Variants in CFAP77 observed in about 807,000 individuals in gnomAD.
The protein encoded by CFAP77 is cilia- and flagella-associated protein 77.
CFAP77 carries 25 observed loss-of-function variants against 31.1 expected under a neutral mutation model. That is an observed-to-expected ratio of 0.80 (90% CI 0.59 to 1.12). The LOEUF (loss-of-function observed/expected upper bound fraction) is 1.12, where lower values mean the gene tolerates loss of function less well. Ranked by LOEUF, CFAP77 falls within the 50% of genes most tolerant of loss-of-function variation. The probability of loss-of-function intolerance (pLI) is 0.00; values close to 1 mark genes in which losing one functional copy is unlikely to be tolerated. For synonymous variants in CFAP77, 151 were observed against 159.9 expected (o/e 0.94, Z 0.42); for missense variants, 377 against 397.3 (o/e 0.95, Z 0.44).
intron 5 of CFAP77, among the ~76,000 whole-genome samples, chr9:132,561,936 C>G (rs375077139): frequency 6.6e-6 from 1 of 152,210 alleles, no homozygotes; most frequent in South Asian, 2.1e-4. Flanking sequence ...TGCCGCCTCG[C>G]AAGGAGGAAC....
chr9:132,507,970 T>A (rs1180537095), intron 3 of CFAP77, among the ~76,000 whole-genome samples: 2 of 152,204 alleles, frequency 1.3e-5, no homozygotes, highest in Non-Finnish European at 2.9e-5. Context: ...GCGACTGTCG[T>A]TAATACTCCT....
At chr9:132,570,572 T>G (rs374218649) in intron 5 of CFAP77, among the ~76,000 whole-genome samples, 3 of 152,222 alleles carry the variant, frequency 2.0e-5, no homozygotes, top group East Asian at 3.8e-4. Flanking sequence ...CCTGCACTGT[T>G]TTTTATGTAA....
In CFAP77 at chr9:132,437,194, C is replaced by G. The variant is rs191492948; in HGVS notation, c.195+26728C>G. Among the ~76,000 whole-genome samples, 35 of 152,350 alleles carry G rather than the reference C, an allele frequency of 2.3e-4. 3 individuals carry two copies. In the East Asian group the frequency reaches 4.0e-3, roughly 18 times the overall value. On this transcript the variant is annotated intron_variant, in intron 1 of 5. Transcript: ENST00000393216. The stretch of plus-strand genomic sequence containing the variant: ...TCCCTGATCGCCTTGTCCCCAAGCA[C>G]TGGTCCTGCTTTCTGAAGACTCCTT...
chr9:132,567,557 C>G (rs1312303217), intron 5 of CFAP77, among the ~76,000 whole-genome samples: 1 of 152,162 alleles, frequency 6.6e-6, no homozygotes, highest in Non-Finnish European at 1.5e-5. Flanking sequence ...AGCCACAGCC[C>G]CACCCACCAT....
intron 1 of CFAP77, among the ~76,000 whole-genome samples, chr9:132,430,455 G>C (rs1850394029): frequency 6.6e-6 from 1 of 152,074 alleles, no homozygotes; most frequent in Non-Finnish European, 1.5e-5. Flanking sequence ...TACAAAAAGA[G>C]TTTTAGAAAC....
chr9:132,446,859 C>T (rs1378281706), intron 1 of CFAP77, among the ~76,000 whole-genome samples: 1 of 151,946 alleles, frequency 6.6e-6, no homozygotes, highest in Admixed American at 6.5e-5. Context: ...ATCTTCCCAG[C>T]AGCCCTGTGA....
chr9:132,561,872 G>C (rs1829816804), intron 5 of CFAP77, among the ~76,000 whole-genome samples: 1 of 152,196 alleles, frequency 6.6e-6, no homozygotes, highest in Non-Finnish European at 1.5e-5. Context: ...GAAGGCAAAG[G>C]CAGCCCGCTT....
At chr9:132,434,625 A>G (rs1388873843) in intron 1 of CFAP77, among the ~76,000 whole-genome samples, 2 of 152,078 alleles carry the variant, frequency 1.3e-5, no homozygotes, top group Admixed American at 6.6e-5. Context: ...TGAATCTACA[A>G]TTTGGTTTCA....
intron 3 of CFAP77, among the ~76,000 whole-genome samples, chr9:132,513,048 T>G (rs904803989): frequency 7.2e-5 from 11 of 152,182 alleles, no homozygotes; most frequent in African/African-American, 2.7e-4. Context: ...TGTGGGCACA[T>G]AGTGGGTGTA....
chr9:132,501,850 G>C lies in CFAP77; in HGVS notation c.524+2250G>C, dbSNP rs1028209670. ...TGATGCGCCCTTCCCTGGAGTCAGGGGTGAAATCAGTCCCTGCAATCTACG... is the reference window on the plus strand; with the variant it reads ...TGATGCGCCCTTCCCTGGAGTCAGGCGTGAAATCAGTCCCTGCAATCTACG... On this transcript the variant is annotated intron_variant, in intron 3 of 5. Transcript: ENST00000393216. This position sits in a 1 kb window ranked among gnomAD's most constrained non-coding sequence, Gnocchi z 4.6. Among the ~76,000 whole-genome samples the C allele has an allele frequency of 6.6e-6, 1 of 152,200 alleles. No homozygotes were observed. The highest frequency in any genetic ancestry group is 2.4e-5 in the African/African-American group (1 of 41,454).
Position 132,545,472 on chromosome 9 carries a change from T to TGTAAGGCGA in CFAP77, c.732+2425_732+2426insGTAAGGCGA. 6.6e-6 allele frequency among the ~76,000 whole-genome samples: 1 copy of TGTAAGGCGA among 152,270 alleles called. No homozygotes were observed. Among genetic ancestry groups the TGTAAGGCGA allele is most frequent in the Non-Finnish European group, 1.5e-5 (1 of 68,036 alleles). ...GAAAATCAACATGCAAGCCACAGCA[T>TGTAAGGCGA]ATACTGAGTGTTCGCCTCCTTTCCG... On this transcript the variant is annotated intron_variant, in intron 5 of 5. Transcript: ENST00000393216. The surrounding 1 kb of genome is among the most constrained non-coding windows in gnomAD (Gnocchi z 4.6).
intron 1 of CFAP77, among the ~76,000 whole-genome samples, chr9:132,432,465 C>T (rs1449921426): frequency 6.6e-6 from 1 of 151,766 alleles, no homozygotes; most frequent in Non-Finnish European, 1.5e-5. Flanking sequence ...GCAGTTTACC[C>T]CTCCTTCTGC....
At chr9:132,432,635 A>C (rs1288847395) in intron 1 of CFAP77, among the ~76,000 whole-genome samples, 13 of 145,024 alleles carry the variant, frequency 9.0e-5, no homozygotes, top group African/African-American at 2.1e-4. Flanking sequence ...GGGTTCAAGC[A>C]ATTCTCCTGC....
intron 1 of CFAP77, among the ~76,000 whole-genome samples, chr9:132,471,334 C>T (rs1001545680): frequency 5.3e-5 from 8 of 152,288 alleles, no homozygotes; most frequent in South Asian, 2.1e-4. Context: ...CCCAGAACTC[C>T]GTTGCAGGAG....
chr9:132,509,518 C>T (rs527338946), intron 3 of CFAP77, among the ~76,000 whole-genome samples: 2 of 152,284 alleles, frequency 1.3e-5, no homozygotes, highest in South Asian at 4.1e-4. Flanking sequence ...CCTGTAATCC[C>T]GTCACTTTGG....
Position 132,460,785 on chromosome 9 carries a change from G to C in CFAP77, c.196-37910G>C, listed in dbSNP as rs547078547. On this transcript the variant is annotated intron_variant, in intron 1 of 5. Transcript: ENST00000393216. ...TCTCTGTCGTCCAGGCTGGAGTGCA[G>C]TGCAATCTCGGCTCACTGCAACCTC... 2.0e-5 allele frequency among the ~76,000 whole-genome samples: 3 copies of C among 152,312 alleles called. No individual in the cohort carries two copies. In the South Asian group the frequency reaches 6.2e-4, roughly 32 times the overall value.
In CFAP77 at chr9:132,459,732, A is replaced by G. The variant is rs147712726; in HGVS notation, c.196-38963A>G. On this transcript the variant is annotated intron_variant, in intron 1 of 5. Coordinates refer to ENST00000393216, the MANE Select transcript of CFAP77 (RefSeq NM_001282957.2). ...TGTGTGTTTACCTGTATGTATGTGT[A>G]TATGTGTGTGAGTGTGTGTGTATGT... is the stretch of plus-strand genomic sequence containing the variant. Among the ~76,000 whole-genome samples, 266 of 139,132 alleles carry G rather than the reference A, an allele frequency of 1.9e-3. 3 individuals carry two copies. The highest frequency in any genetic ancestry group is 7.3e-3 in the African/African-American group (251 of 34,510). 91.3% of individuals were successfully genotyped at this position (139,132 alleles called of 152,430 possible). A position where few individuals can be genotyped will look rare whatever the true frequency, so the allele number is the denominator to read the frequency against.
chr9:132,454,770 T>C (rs562007), intron 1 of CFAP77, among the ~76,000 whole-genome samples: 52,564 of 152,046 alleles, frequency 0.35, 9,952 homozygotes, highest in African/African-American at 0.5. Flanking sequence ...TTGCCCTTGT[T>C]ATTGAGTGGA....
chr9:132,436,947 G>A (rs1182782533), intron 1 of CFAP77, among the ~76,000 whole-genome samples: 2 of 152,038 alleles, frequency 1.3e-5, no homozygotes, highest in South Asian at 2.1e-4. Flanking sequence ...TTATAGATAG[G>A]GGCTGGATTT....
Sources: gnomAD v4.1 joint callset for allele counts (sites outside exome capture counted in the v4.1 genomes callset) on GRCh38, gnomAD v4.1.1 for gene constraint, Gnocchi (gnomAD v3.1) non-coding constraint, MANE v1.5 for transcripts, NCBI Gene and HGNC (gene_info 2026-07-23, HGNC 2026-07-21) for gene names.